Variants in GSE1 observed in about 807,000 individuals in gnomAD.
GSE1 encodes the protein genetic suppressor element 1.
GSE1 carries 32 observed loss-of-function variants against 112.6 expected under a neutral mutation model. The ratio of observed to expected loss-of-function variants is 0.28; its 90% confidence interval spans 0.21 to 0.38. The LOEUF (loss-of-function observed/expected upper bound fraction) is 0.38. Among genes scored for constraint, GSE1 ranks in the 10% least tolerant of loss-of-function variants. The pLI is 1.00. For synonymous variants in GSE1, 1,115 were observed against 735.6 expected (o/e 1.52, Z -8.35); for missense variants, 2,348 against 1,699.2 (o/e 1.38, Z -6.71).
At chr16:85,470,586 C>T (rs1168849926) in intron 2 of GSE1, among the ~76,000 whole-genome samples, 2 of 152,202 alleles carry the variant, frequency 1.3e-5, no homozygotes, top group Non-Finnish European at 2.9e-5. Flanking sequence ...GATTCCTTCC[C>T]AATGCAATTG....
At chr16:85,622,190 T>G (rs150627997) in intron 1 of GSE1, among the ~76,000 whole-genome samples, 2 of 152,312 alleles carry the variant, frequency 1.3e-5, no homozygotes, top group Admixed American at 1.3e-4. Flanking sequence ...CCAGGACTCC[T>G]GGCGCATGAC....
In GSE1 at chr16:85,170,085, G is replaced by A. The variant is rs560192776; in HGVS notation, c.561G>A (p.Pro187=). Residue 187 remains proline, a synonymous_variant, in exon 1 of 3, where the codon CCG becomes CCA. Transcript: ENST00000637419. ...CCGACCCCCTTTCCGAGCCCGACCCGCCCGCGCGGGACGCCGCCAGCCCCC... is the reference window on the plus strand; with the variant it reads ...CCGACCCCCTTTCCGAGCCCGACCCACCCGCGCGGGACGCCGCCAGCCCCC... 8.1e-6 allele frequency: 8 copies of A among 985,020 alleles called. No homozygotes were observed. The South Asian group carries it at 3.8e-4, about 46-fold the overall frequency. The allele number at this position is 985,020 out of a possible 1,614,324, so 61.0% of individuals were successfully genotyped here. A position where few individuals can be genotyped will look rare whatever the true frequency, so the allele number is the denominator to read the frequency against.
chr16:85,518,418 A>T (rs1038877408), intron 2 of GSE1, among the ~76,000 whole-genome samples: 1 of 152,112 alleles, frequency 6.6e-6, no homozygotes, highest in Non-Finnish European at 1.5e-5. Flanking sequence ...TCGCTGTCAC[A>T]CAGGGATGCA....
At chr16:85,200,975 G>T (rs1597786480) in intron 1 of GSE1, among the ~76,000 whole-genome samples, 1 of 152,224 alleles carries the variant, frequency 6.6e-6, no homozygotes, top group South Asian at 2.1e-4. Context: ...CAGGCTCCAA[G>T]CCTGGAGCAG....
intron 2 of GSE1, among the ~76,000 whole-genome samples, chr16:85,635,990 G>A (rs976050069): frequency 1.3e-5 from 2 of 152,256 alleles, no homozygotes; most frequent in African/African-American, 4.8e-5. Flanking sequence ...GCTGGCCCCA[G>A]CACTTGGTTT....
chr16:85,608,515 G>T (rs1182265967), upstream of GSE1, among the ~76,000 whole-genome samples: 1 of 151,646 alleles, frequency 6.6e-6, no homozygotes, highest in African/African-American at 2.4e-5. Flanking sequence ...ACCTGAAACC[G>T]CTTGAGACCT....
At chr16:85,606,484 G>A (rs1239397545), upstream of GSE1, among the ~76,000 whole-genome samples, 2 of 152,222 alleles carry the variant, frequency 1.3e-5, no homozygotes, top group African/African-American at 4.8e-5. Context: ...TGGAACGGAG[G>A]GCTTCAGGCC....
At chr16:85,282,067 AC>A in intron 1 of GSE1, among the ~76,000 whole-genome samples, 1 of 150,466 alleles carries the variant, frequency 6.6e-6, no homozygotes, top group South Asian at 2.1e-4. Context: ...TCACTCTGTC[AC>A]CCAGGCTGTA....
upstream of GSE1, among the ~76,000 whole-genome samples, chr16:85,612,090 G>A (rs1404562416): frequency 6.6e-6 from 1 of 151,956 alleles, no homozygotes; most frequent in Non-Finnish European, 1.5e-5. Flanking sequence ...GGAAGAGGAT[G>A]AGGAGGGAGC....
At chr16:85,369,713 C>T (rs981424454) in intron 2 of GSE1, among the ~76,000 whole-genome samples, 20 of 152,214 alleles carry the variant, frequency 1.3e-4, no homozygotes, top group African/African-American at 4.1e-4. Flanking sequence ...TAGATGTGGA[C>T]GTCTTTTGGG....
At chr16:85,182,572 G>T (rs193264646) in intron 1 of GSE1, among the ~76,000 whole-genome samples, 31 of 152,306 alleles carry the variant, frequency 2.0e-4, no homozygotes, top group Admixed American at 1.6e-3. Flanking sequence ...GCGCCCAGGG[G>T]TGTGACTGCT....
intron 2 of GSE1, among the ~76,000 whole-genome samples, chr16:85,476,354 C>T (rs2050455412): frequency 6.6e-6 from 1 of 152,282 alleles, no homozygotes; most frequent in South Asian, 2.1e-4. Flanking sequence ...GCTGGGTTGA[C>T]GTTCAGGGAT....
intron 1 of GSE1, among the ~76,000 whole-genome samples, chr16:85,264,159 G>C (rs1308144446): frequency 6.6e-6 from 1 of 152,164 alleles, no homozygotes; most frequent in Admixed American, 6.5e-5. Context: ...GTGGGAGGGT[G>C]GGGGGCAGCT....
chr16:85,564,127 A>G (rs2045639395), intron 1 of GSE1, among the ~76,000 whole-genome samples: 1 of 152,192 alleles, frequency 6.6e-6, no homozygotes, highest in Admixed American at 6.5e-5. Flanking sequence ...AGAGCTGAGC[A>G]CAGATGGATT....
exon 1 of GSE1, chr16:85,169,747 C>T: frequency 1.0e-6 from 1 of 983,976 alleles, no homozygotes; most frequent in Non-Finnish European, 1.2e-6. Flanking sequence ...GCCCGGCGCG[C>T]GCGAGCTGTC....
chr16:85,590,718 G>A (rs537977249), intron 1 of GSE1, among the ~76,000 whole-genome samples: 1 of 152,308 alleles, frequency 6.6e-6, no homozygotes, highest in South Asian at 2.1e-4. Context: ...GATGGAGTGT[G>A]TGTGGAGCAT....
chr16:85,385,108 T>C (rs929647349), intron 2 of GSE1, among the ~76,000 whole-genome samples: 21 of 152,338 alleles, frequency 1.4e-4, no homozygotes, highest in Middle Eastern at 3.4e-3. Context: ...AAGTCTGTTC[T>C]CGCCAAGGAA....
chr16:85,341,135 A>G (rs907692496), intron 1 of GSE1, among the ~76,000 whole-genome samples: 6 of 152,130 alleles, frequency 3.9e-5, no homozygotes, highest in Non-Finnish European at 7.3e-5. Context: ...GCTGAAAGTC[A>G]ATTCATCACT....
chr16:85,648,122 T>A (rs1371817949), intron 2 of GSE1, among the ~76,000 whole-genome samples: 1 of 151,748 alleles, frequency 6.6e-6, no homozygotes, highest in Non-Finnish European at 1.5e-5. Flanking sequence ...GGCCCTTGGT[T>A]CATGACACCT....
Sources: allele counts gnomAD v4.1 joint callset (sites outside exome capture counted in the v4.1 genomes callset), GRCh38; gene constraint gnomAD v4.1.1; transcripts MANE v1.5; gene names NCBI Gene and HGNC (gene_info 2026-07-23, HGNC 2026-07-21).